ZNF701: variants seen among roughly 807,000 people sequenced by gnomAD.
ZNF701 encodes the protein zinc finger protein 701.
ZNF701 carries 6 observed loss-of-function variants against 7.1 expected under a neutral mutation model. The ratio of observed to expected loss-of-function variants is 0.84; its 90% CI spans 0.46 to 1.66. ZNF701 has a LOEUF of 1.66. ZNF701 is among the 40% of genes most tolerant of loss of function. ZNF701 has a pLI of 0.01. For synonymous variants in ZNF701, 166 were observed against 188.2 expected, an observed-to-expected ratio of 0.88 and a Z score of 0.97; for missense variants, 541 against 559.2, an observed-to-expected ratio of 0.97 and a Z score of 0.33.
the ZNF701 span, chr19:52,595,837 T>C: frequency 6.2e-7 from 1 of 1,611,800 alleles, no homozygotes; most frequent in East Asian, 2.2e-5. Context: ...AGTTGACAGG[T>C]AGTACAGACT....
At chr19:52,597,745 A>C in the ZNF701 span, 43,345 of 219,796 alleles carry the variant, frequency 0.2, 4,685 homozygotes, top group African/African-American at 0.25. Flanking sequence ...AGGCCGGGCC[A>C]GAGGGTGATC....
chr19:52,574,680 T>C (rs1051889058), intron 2 of ZNF701, among the ~76,000 whole-genome samples: 4 of 152,170 alleles, frequency 2.6e-5, no homozygotes, highest in Non-Finnish European at 5.9e-5. Flanking sequence ...GAATGGAAAG[T>C]TCATAAACAG....
chr19:52,596,852 G>C, the ZNF701 span: 1 of 548,184 alleles, frequency 1.8e-6, no homozygotes, highest in Non-Finnish European at 3.7e-6. Flanking sequence ...ACTTCATACT[G>C]TCTAAGGTTT....
chr19:52,589,522 C>A (rs576456053), downstream of ZNF701, among the ~76,000 whole-genome samples: 1 of 151,000 alleles, frequency 6.6e-6, no homozygotes, highest in African/African-American at 2.4e-5. Context: ...TCTTGTCACC[C>A]AGGCTGGAGT....
chr19:52,578,785 T>A (rs937413861), intron 3 of ZNF701, among the ~76,000 whole-genome samples: 6 of 152,112 alleles, frequency 3.9e-5, no homozygotes, highest in Non-Finnish European at 5.9e-5. Flanking sequence ...TGAAACGGAG[T>A]CTTGCTCTGT....
chr19:52,596,179 C>A, the ZNF701 span: 6 of 653,198 alleles, frequency 9.2e-6, no homozygotes, highest in Non-Finnish European at 1.7e-5. Context: ...ATCACGTAAC[C>A]CATTCAGGAG....
chr19:52,589,154 G>T (rs1367531884), downstream of ZNF701, among the ~76,000 whole-genome samples: 1 of 152,188 alleles, frequency 6.6e-6, no homozygotes, highest in Non-Finnish European at 1.5e-5. Context: ...CAGCTGCAGA[G>T]GTGCCCTCTC....
At chr19:52,576,509 C>T (rs1967404146) in intron 3 of ZNF701, among the ~76,000 whole-genome samples, 4 of 152,078 alleles carry the variant, frequency 2.6e-5, no homozygotes, top group Admixed American at 2.6e-4. Flanking sequence ...CACTGGACTC[C>T]AGCCTGGGCA....
the ZNF701 span, among the ~76,000 whole-genome samples, chr19:52,599,905 C>A: frequency 2.2e-4 from 33 of 152,302 alleles, no homozygotes; most frequent in South Asian, 4.6e-3. Flanking sequence ...CTCAGGATGA[C>A]GCTAGTTAGC....
chr19:52,580,527 T>C (rs957118329), intron 3 of ZNF701, among the ~76,000 whole-genome samples: 2 of 152,212 alleles, frequency 1.3e-5, no homozygotes, highest in Middle Eastern at 3.4e-3. Context: ...GCCCGGACAT[T>C]AGTCAATTCT....
At chr19:52,571,703 C>A (rs981391074) in intron 1 of ZNF701, among the ~76,000 whole-genome samples, 1 of 151,892 alleles carries the variant, frequency 6.6e-6, no homozygotes, top group Non-Finnish European at 1.5e-5. Flanking sequence ...TGTCTTAGTT[C>A]TACAGCTGAC....
intron 3 of ZNF701, among the ~76,000 whole-genome samples, chr19:52,581,055 C>T (rs1433385631): frequency 6.6e-6 from 1 of 152,028 alleles, no homozygotes; most frequent in African/African-American, 2.4e-5. Flanking sequence ...ACCCAGGAGG[C>T]AGAGGCTGCA....
the ZNF701 span, among the ~76,000 whole-genome samples, chr19:52,594,939 A>G: frequency 5.5e-4 from 84 of 152,154 alleles, 2 homozygotes; most frequent in South Asian, 0.017. Context: ...CCTACGGAGG[A>G]CATCATTCAG....
chr19:52,575,982 G>A lies in ZNF701; in HGVS notation c.103G>A (p.Asp35Asn). ...CCCTGCTCAGAGGACTCTATACAGA[G>A]ACGTGATGCTGGAGAATTATAGGAA... ...LDPAQRTLYR[D>N]VMLENYRNLV... Residue 35 changes from aspartate to asparagine, a missense_variant, in exon 3 of 4, where the codon GAC becomes AAC. By Grantham distance (23) the Asp-to-Asn change is conservative. Coordinates refer to ENST00000391785, the MANE Select transcript of ZNF701 (RefSeq NM_018260.3). 1 of 1,588,568 alleles carries A rather than the reference G, an allele frequency of 6.3e-7. No individual in the cohort carries two copies. The highest frequency in any genetic ancestry group is 8.5e-7 in the Non-Finnish European group (1 of 1,173,100).
At chr19:52,598,318 G>T in the ZNF701 span, among the ~76,000 whole-genome samples, 1 of 152,138 alleles carries the variant, frequency 6.6e-6, no homozygotes, top group Non-Finnish European at 1.5e-5. Context: ...ACGCTGAATC[G>T]TTTTTCCTCT....
At chr19:52,594,503 GTT>G in the ZNF701 span, among the ~76,000 whole-genome samples, 6,992 of 130,498 alleles carry the variant, frequency 0.054, 231 homozygotes, top group Non-Finnish European at 0.077. Flanking sequence ...CTTTTGTTCT[GTT>G]TTTTTTGTTT....
intron 3 of ZNF701, among the ~76,000 whole-genome samples, chr19:52,577,677 C>T (rs138925825): frequency 0.016 from 2,427 of 152,104 alleles, 72 homozygotes; most frequent in African/African-American, 0.054. Flanking sequence ...GCGGTAACAC[C>T]AGTGTCTGGG....
At chr19:52,574,408 G>C (rs1373986179) in intron 2 of ZNF701, among the ~76,000 whole-genome samples, 3 of 152,194 alleles carry the variant, frequency 2.0e-5, no homozygotes, top group African/African-American at 7.2e-5. Flanking sequence ...CATGTATGGA[G>C]ATGGGGTGAG....
At position 52,582,414 on chromosome 19, in the gene ZNF701, T is replaced by C. The variant is rs12462687; in HGVS notation, c.355T>C (p.Leu119=). 6.2e-7 allele frequency: 1 copy of C among 1,613,202 alleles called. No individual in the cohort carries two copies. Among genetic ancestry groups the C allele is most frequent in the African/African-American group, 1.3e-5 (1 of 74,846 alleles). The change falls in exon 4 of 4, where the codon TTG becomes CTG. Residue 119 remains leucine, a synonymous_variant. Transcript: ENST00000391785. ...HEALMTKTKK[L]MSSTERHDQR... is the part of the protein sequence containing the mutation. The stretch of plus-strand genomic sequence containing the variant: ...AGCACTCATGACAAAAACCAAAAAG[T>C]TGATGAGTAGTACAGAGCGACATGA...
Sources: gnomAD v4.1 joint callset for allele counts (sites outside exome capture counted in the v4.1 genomes callset) on GRCh38, gnomAD v4.1.1 for gene constraint, MANE v1.5 for transcripts, NCBI Gene and HGNC (gene_info 2026-07-23, HGNC 2026-07-21) for gene names.